Variants in FER1L6 observed in about 807,000 individuals in gnomAD.
FER1L6 encodes fer-1 like family member 6.
In FER1L6, 177 loss-of-function variants were observed where a neutral mutation model predicts 219.2. The observed-to-expected ratio is 0.81, with a 90% confidence interval of 0.71 to 0.91. The LOEUF is 0.91. FER1L6 is among the 40% of genes least tolerant of loss of function. The probability of loss-of-function intolerance (pLI) is 0.00; values close to 1 mark genes in which losing one functional copy is unlikely to be tolerated. For missense variants in FER1L6, 2,153 were observed against 2,259.9 expected (o/e 0.95, Z 0.96); for synonymous variants, 768 against 824.3 (o/e 0.93, Z 1.17).
chr8:123,997,102 G>A (rs1210363322), intron 12 of FER1L6, among the ~76,000 whole-genome samples: 2 of 152,110 alleles, frequency 1.3e-5, no homozygotes, highest in Non-Finnish European at 1.5e-5. Flanking sequence ...TTACCAGTGA[G>A]TTTTGTACCT....
rs541213779 is a variant in FER1L6 at position 124,083,539 on chromosome 8, G to T, written c.4391+1081G>T. Among the ~76,000 whole-genome samples, 33 of 151,960 alleles carry T rather than the reference G, an allele frequency of 2.2e-4. No individual in the cohort carries two copies. In the South Asian group the frequency reaches 6.7e-3, roughly 31 times the overall value. Reference sequence around the variant, plus strand: ...TGTTGAAAATGAGTTCACTGTGGATGAATAGATTTATTTCTGGGTTCTCTA... The same window carrying T: ...TGTTGAAAATGAGTTCACTGTGGATTAATAGATTTATTTCTGGGTTCTCTA... On this transcript the variant is annotated intron_variant, in intron 33 of 40. Transcript: ENST00000522917.
At chr8:123,956,942 T>C (rs924352401) in intron 2 of FER1L6, among the ~76,000 whole-genome samples, 2 of 152,186 alleles carry the variant, frequency 1.3e-5, no homozygotes, top group African/African-American at 4.8e-5. Flanking sequence ...ACTGGGTAGA[T>C]CCTCAGTGTT....
In FER1L6 at chr8:123,858,723, A is replaced by T. The variant is rs1414952840; in HGVS notation, c.-8+6538A>T. ...AACATGACTCACTAGACGACCAGGA[A>T]GAAGGTGAGACGGCTTGAGAAGCAG... On this transcript the variant is annotated intron_variant, in intron 1 of 40. Transcript: ENST00000522917. Among the ~76,000 whole-genome samples, 7 of 152,226 alleles carry T rather than the reference A, an allele frequency of 4.6e-5. No homozygotes were observed. In the South Asian group the frequency reaches 1.4e-3, roughly 32 times the overall value.
chr8:123,950,642 C>T (rs1297891539), intron 1 of FER1L6, among the ~76,000 whole-genome samples: 1 of 152,138 alleles, frequency 6.6e-6, no homozygotes, highest in African/African-American at 2.4e-5. Context: ...TATTAAGATT[C>T]TCAATCACTG....
rs989356075 is a variant in FER1L6, at chr8:124,058,260, C to G, written c.2875-1920C>G. On this transcript the variant is annotated intron_variant, in intron 22 of 40. Coordinates refer to ENST00000522917, the MANE Select transcript of FER1L6 (RefSeq NM_001039112.2). ...TAACTTTTGTACCCTGTGTGCCACA[C>G]TGGTTCACCCTTGTCCTGGAACTGA... 2.0e-5 allele frequency among the ~76,000 whole-genome samples: 3 copies of G among 152,276 alleles called. No homozygotes were observed. The South Asian group carries it at 6.2e-4, about 32-fold the overall frequency.
At chr8:124,118,221 A>G (rs149303237) in intron 39 of FER1L6, among the ~76,000 whole-genome samples, 1 of 152,200 alleles carries the variant, frequency 6.6e-6, no homozygotes, top group Non-Finnish European at 1.5e-5. Flanking sequence ...ACCCTTTGAT[A>G]AATCAAGACA....
At chr8:123,854,627 T>C (rs1045914762) in intron 1 of FER1L6, among the ~76,000 whole-genome samples, 1 of 152,210 alleles carries the variant, frequency 6.6e-6, no homozygotes, top group African/African-American at 2.4e-5. Context: ...TCTGTCCCTT[T>C]ATTACCAAGG....
At position 124,006,323 on chromosome 8, in the gene FER1L6, G is replaced by A. The variant is rs373604502; in HGVS notation, c.1700+2976G>A. The stretch of plus-strand genomic sequence containing the variant: ...CTTGGATGCACCTCATATCAGTGCT[G>A]TCCTGCTGGCTCAAGGAGATCAAAA... On this transcript the variant is annotated intron_variant, in intron 13 of 40. Transcript: ENST00000522917. Among the ~76,000 whole-genome samples the A allele has an allele frequency of 2.8e-4, 43 of 152,254 alleles. 1 individual carries two copies. The South Asian group carries it at 8.5e-3, about 30-fold the overall frequency.
intron 1 of FER1L6, among the ~76,000 whole-genome samples, chr8:123,952,768 G>C (rs1004713202): frequency 4.6e-5 from 7 of 152,122 alleles, no homozygotes; most frequent in Non-Finnish European, 8.8e-5. Context: ...GGGATCCTAG[G>C]AGATAATGTG....
intron 32 of FER1L6, among the ~76,000 whole-genome samples, chr8:124,077,387 T>C (rs1027807144): frequency 2.0e-5 from 3 of 152,208 alleles, no homozygotes; most frequent in Non-Finnish European, 4.4e-5. Context: ...GCATAAAATC[T>C]CCATTGGCTC....
intron 22 of FER1L6, among the ~76,000 whole-genome samples, chr8:124,056,906 C>T (rs940083760): frequency 2.3e-4 from 35 of 152,112 alleles, no homozygotes; most frequent in African/African-American, 6.5e-4. Context: ...TAGCTGGGCG[C>T]GGTGGCGTGC....
In FER1L6 at chr8:123,963,358, G is replaced by T; in HGVS notation, c.157G>T (p.Ala53Ser). Residue 53 changes from alanine (A) to serine (S), a missense_variant, in exon 3 of 41, where the codon GCT (alanine) becomes TCT (serine). By Grantham distance (99) the Ala-to-Ser change is moderately conservative. Coordinates refer to ENST00000522917, the MANE Select transcript of FER1L6 (RefSeq NM_001039112.2). The part of the protein sequence containing the change: ...GPRGDLVHDD[A>S]SIFPVPSASP... ...GAGAGGAGATTTGGTCCATGATGAT[G>T]CTTCTATCTTTCCTGTCCCCTCAGC... The T allele has an allele frequency of 6.2e-7, 1 of 1,614,164 alleles. No individual in the cohort carries two copies.
chr8:123,861,840 C>G (rs974130306), intron 1 of FER1L6, among the ~76,000 whole-genome samples: 3 of 141,160 alleles, frequency 2.1e-5, no homozygotes, highest in African/African-American at 2.8e-5. Flanking sequence ...TATCCTGAGA[C>G]TTTGCTGAAG....
chr8:123,886,977 A>G (rs1033473680), intron 1 of FER1L6, among the ~76,000 whole-genome samples: 32 of 152,158 alleles, frequency 2.1e-4, no homozygotes, highest in African/African-American at 7.5e-4. Flanking sequence ...TAAAGCTCGA[A>G]ACTCACCAGA....
At chr8:123,993,518 T>G (rs1236899455) in intron 12 of FER1L6, among the ~76,000 whole-genome samples, 1 of 151,510 alleles carries the variant, frequency 6.6e-6, no homozygotes, top group Non-Finnish European at 1.5e-5. Flanking sequence ...GCTGCCTGAC[T>G]GTTTTGGGGT....
chr8:123,877,505 A>G (rs989605866), intron 1 of FER1L6, among the ~76,000 whole-genome samples: 5 of 152,114 alleles, frequency 3.3e-5, no homozygotes, highest in African/African-American at 1.2e-4. Context: ...GCATCGAATG[A>G]GATGAGGTGG....
intron 1 of FER1L6, among the ~76,000 whole-genome samples, chr8:123,906,082 C>T (rs1461049826): frequency 1.3e-5 from 2 of 152,158 alleles, no homozygotes; most frequent in Admixed American, 6.6e-5. Flanking sequence ...TCCCATCAGT[C>T]CTGGGTAAAT....
chr8:123,941,132 C>T (rs1814223679), intron 1 of FER1L6, among the ~76,000 whole-genome samples: 1 of 151,936 alleles, frequency 6.6e-6, no homozygotes, highest in Non-Finnish European at 1.5e-5. Flanking sequence ...CAACTCAAGC[C>T]CTAATGAAAC....
intron 33 of FER1L6, among the ~76,000 whole-genome samples, chr8:124,089,386 G>C (rs1364262046): frequency 6.6e-6 from 1 of 152,216 alleles, no homozygotes; most frequent in Non-Finnish European, 1.5e-5. Flanking sequence ...GCCAGGGAAT[G>C]GGGGAGGAGT....
Sources: gnomAD v4.1 joint callset for allele counts (sites outside exome capture counted in the v4.1 genomes callset) on GRCh38, gnomAD v4.1.1 for gene constraint, MANE v1.5 for transcripts, NCBI Gene and HGNC (gene_info 2026-07-23, HGNC 2026-07-21) for gene names.